The following AP2A2 variants were observed in gnomAD, a reference collection of about 807,000 sequenced individuals.
AP2A2 encodes the protein AP-2 complex subunit alpha-2.
AP2A2 carries 32 observed loss-of-function variants against 104.2 expected under a neutral mutation model. That is an observed-to-expected ratio of 0.31 (90% confidence interval 0.23 to 0.41). The LOEUF (loss-of-function observed/expected upper bound fraction) is 0.41. AP2A2 is among the 10% of genes least tolerant of loss of function. AP2A2 has a pLI of 1.00. For synonymous variants in AP2A2, 539 were observed against 533.3 expected, an observed-to-expected ratio of 1.01 and a Z score of -0.15; for missense variants, 912 against 1,261.0, an observed-to-expected ratio of 0.72 and a Z score of 4.19.
At chr11:977,637 G>A (rs1855093868) in intron 5 of AP2A2, among the ~76,000 whole-genome samples, 1 of 151,728 alleles carries the variant, frequency 6.6e-6, no homozygotes, top group African/African-American at 2.4e-5. Flanking sequence ...AAGGGTGGAG[G>A]TTTCCAGCGA....
At chr11:975,434 G>T (rs35558736) in intron 4 of AP2A2, among the ~76,000 whole-genome samples, 1 of 39,130 alleles carries the variant, frequency 2.6e-5, no homozygotes, top group Non-Finnish European at 7.1e-5. Flanking sequence ...GTGAGCCGAC[G>T]TCGGAGAGTA....
Position 972,084 on chromosome 11 carries a change from T to C in AP2A2, c.302T>C (p.Leu101Ser), listed in dbSNP as rs1304060656. The change falls in exon 4 of 22, where the codon TTG becomes TCG. Residue 101 changes from leucine to serine, a missense_variant. Around this residue, in one of 7 missense-constraint regions of AP2A2, gnomAD observed 350 missense variants for 487.0 expected, o/e 0.72. Transcript: ENST00000448903. ...CAGGGCTACCTTTTCATCTCTGTGT[T>C]GGTGAACTCAAACAGTGAGCTGATC... is the stretch of plus-strand genomic sequence containing the variant. ...KQIGYLFISVLVNSNSELIRL... is the reference protein window; with the variant it reads ...KQIGYLFISVSVNSNSELIRL... 6.2e-7 allele frequency: 1 copy of C among 1,613,698 alleles called. No homozygotes were observed. The highest frequency in any genetic ancestry group is 8.5e-7 in the Non-Finnish European group (1 of 1,179,788).
chr11:939,706 A>G (rs1020384494), intron 1 of AP2A2, among the ~76,000 whole-genome samples: 6 of 152,000 alleles, frequency 3.9e-5, no homozygotes, highest in African/African-American at 1.4e-4. Context: ...CGGCCTCCCA[A>G]AGTGCTGGGA....
intron 1 of AP2A2, among the ~76,000 whole-genome samples, chr11:932,165 C>T (rs1446813549): frequency 6.6e-6 from 1 of 152,194 alleles, no homozygotes; most frequent in African/African-American, 2.4e-5. Flanking sequence ...GTTGGTCAGG[C>T]TGGTCTCGAA....
intron 5 of AP2A2, among the ~76,000 whole-genome samples, chr11:978,249 C>A (rs1855119072): frequency 6.6e-6 from 1 of 152,138 alleles, no homozygotes; most frequent in South Asian, 2.1e-4. Flanking sequence ...ACCGGGGCTG[C>A]CTGCTTTCCC....
intron 1 of AP2A2, among the ~76,000 whole-genome samples, chr11:953,552 C>T (rs139635383): frequency 1.4e-4 from 6 of 42,936 alleles, no homozygotes; most frequent in Admixed American, 5.2e-4. Context: ...AGAGCCCCCC[C>T]CCCCCATTGT....
In AP2A2 at chr11:993,256, A is replaced by G. The variant is rs1268689350; in HGVS notation, c.1453-28A>G. 2 of 1,580,588 alleles carry G rather than the reference A, an allele frequency of 1.3e-6. No individual in the cohort carries two copies. The highest frequency in any genetic ancestry group is 1.4e-5 in the African/African-American group (1 of 73,412). Reference sequence around the variant, plus strand: ...GCCTTAACTCTGGCACCTGGCTGCCACCCCGGCTCATTGTTTGTGCTTCGC... The same window carrying G: ...GCCTTAACTCTGGCACCTGGCTGCCGCCCCGGCTCATTGTTTGTGCTTCGC... On this transcript the variant is annotated intron_variant, in intron 11 of 21. Coordinates refer to ENST00000448903, the MANE Select transcript of AP2A2 (RefSeq NM_012305.4). The surrounding 1 kb of genome is among the most constrained non-coding windows in gnomAD (Gnocchi z 8.2).
chr11:985,720 C>T (rs777868963), intron 8 of AP2A2, 138 bp downstream of exon 8: 65 of 1,270,604 alleles, frequency 5.1e-5, no homozygotes, highest in Admixed American at 2.0e-4. Context: ...TGCTCCCTGC[C>T]GGATGCTTTT....
intron 2 of AP2A2, among the ~76,000 whole-genome samples, chr11:963,161 C>T (rs1015126670): frequency 2.0e-5 from 3 of 152,142 alleles, no homozygotes; most frequent in African/African-American, 7.2e-5. Flanking sequence ...CACGATGGCT[C>T]ATGCCTGTAA....
At chr11:938,604 A>G (rs1417996653) in intron 1 of AP2A2, among the ~76,000 whole-genome samples, 1 of 151,486 alleles carries the variant, frequency 6.6e-6, no homozygotes, top group Non-Finnish European at 1.5e-5. Context: ...CCTCTCGAGT[A>G]GCTGGGACTA....
chr11:1,003,297 G>A (rs1463808790), intron 15 of AP2A2, among the ~76,000 whole-genome samples: 1 of 152,222 alleles, frequency 6.6e-6, no homozygotes, highest in African/African-American at 2.4e-5. Flanking sequence ...GCCCGTGCAT[G>A]CGTGTGCATC....
intron 2 of AP2A2, among the ~76,000 whole-genome samples, chr11:959,809 CG>C (rs1341595184): frequency 2.6e-5 from 4 of 152,078 alleles, no homozygotes; most frequent in Admixed American, 2.0e-4. Flanking sequence ...ACACCAAGTA[CG>C]GGAAGTGCTC....
chr11:958,933 T>G (rs1375840935), intron 1 of AP2A2, among the ~76,000 whole-genome samples: 1 of 152,226 alleles, frequency 6.6e-6, no homozygotes, highest in Non-Finnish European at 1.5e-5. Flanking sequence ...TGCATCTGTT[T>G]TGCGACTGCA....
In AP2A2 at chr11:993,482, C is replaced by T. The variant is rs1014118061; in HGVS notation, c.1550+101C>T. On this transcript the variant is annotated intron_variant, in intron 12 of 21. Coordinates refer to ENST00000448903, the MANE Select transcript of AP2A2 (RefSeq NM_012305.4). This position sits in a 1 kb window ranked among gnomAD's most constrained non-coding sequence, Gnocchi z 8.2. ...ACCAGCTGGCCCTGCCGTGAGGCCT[C>T]GCAGAGCCGCTTCTGCTCCCCATCG... 49 of 876,258 alleles carry T rather than the reference C, an allele frequency of 5.6e-5. No homozygotes were observed. Among genetic ancestry groups the T allele is most frequent in the Non-Finnish European group, 6.2e-5 (37 of 592,738 alleles). The allele number at this position is 876,258 out of a possible 1,614,324, so 54.3% of individuals were successfully genotyped here. A position where few individuals can be genotyped will look rare whatever the true frequency, so the allele number is the denominator to read the frequency against.
intron 17 of AP2A2, 71 bp downstream of exon 17, chr11:1,006,688 G>GTTTTTTGGTTTTCTTTTT: frequency 8.2e-7 from 1 of 1,217,934 alleles, no homozygotes; most frequent in Non-Finnish European, 1.2e-6. Context: ...TTTTGAGGAA[G>GTTTTTTGGTTTTCTTTTT]TTTTTTGGTT....
intron 4 of AP2A2, among the ~76,000 whole-genome samples, chr11:976,783 G>C (rs1183962313): frequency 6.6e-6 from 1 of 152,170 alleles, no homozygotes; most frequent in Non-Finnish European, 1.5e-5. Context: ...TTGTGATTGT[G>C]GATTATTAAG....
intron 2 of AP2A2, among the ~76,000 whole-genome samples, chr11:959,795 A>T (rs1854367439): frequency 6.6e-6 from 1 of 152,050 alleles, no homozygotes; most frequent in African/African-American, 2.4e-5. Context: ...GGTTCAGAGG[A>T]CAGACACCAA....
intron 2 of AP2A2, among the ~76,000 whole-genome samples, chr11:969,932 A>G (rs1028818183): frequency 6.6e-6 from 1 of 152,126 alleles, no homozygotes; most frequent in Admixed American, 6.5e-5. Flanking sequence ...TTGTTGCCAG[A>G]TGTTCTGGTG....
intron 15 of AP2A2, 88 bp downstream of exon 15, chr11:1,000,686 T>G: frequency 7.2e-7 from 1 of 1,384,898 alleles, no homozygotes; most frequent in Non-Finnish European, 9.6e-7. Context: ...TGGACAGAGG[T>G]GGGCAGCGGA....
Sources: gnomAD v4.1 joint callset for allele counts (sites outside exome capture counted in the v4.1 genomes callset) on GRCh38, gnomAD v4.1.1 for gene constraint, gnomAD v4.1.1 regional missense constraint, Gnocchi (gnomAD v3.1) non-coding constraint, MANE v1.5 for transcripts, NCBI Gene and HGNC (gene_info 2026-07-23, HGNC 2026-07-21) for gene names.